DNAH5: variants seen among roughly 807,000 people sequenced by gnomAD.
DNAH5 encodes the protein axonemal beta dynein heavy chain 5.
DNAH5 carries 372 observed loss-of-function variants against 518.2 expected under a neutral mutation model. The ratio of observed to expected loss-of-function variants is 0.72; its 90% confidence interval spans 0.66 to 0.78. DNAH5 has a LOEUF of 0.78. DNAH5 is among the 30% of genes least tolerant of loss of function. DNAH5 has a pLI of 0.00. For synonymous variants in DNAH5, 2,039 were observed against 2,025.9 expected, an observed-to-expected ratio of 1.01 and a Z score of -0.17; for missense variants, 5,523 against 5,687.0, an observed-to-expected ratio of 0.97 and a Z score of 0.93.
In DNAH5 at chr5:13,822,722, T is replaced by G. The variant is rs111470651; in HGVS notation, c.6687+541A>C. Among the ~76,000 whole-genome samples, 1,397 of 152,286 alleles carry G rather than the reference T, an allele frequency of 9.2e-3. 23 individuals carry two copies. Among genetic ancestry groups the G allele is most frequent in the African/African-American group, 0.032 (1,313 of 41,544 alleles). On this transcript the variant is annotated intron_variant, in intron 40 of 78. Coordinates refer to ENST00000265104, the MANE Select transcript of DNAH5 (RefSeq NM_001369.3). ...CATTCCTAGGAAGACTATAAAAAGT[T>G]AAAGCTGCACCAAGTACCATGGGAA...
chr5:13,734,464 G>A (rs889197242), intron 68 of DNAH5, among the ~76,000 whole-genome samples: 7 of 152,082 alleles, frequency 4.6e-5, no homozygotes, highest in Non-Finnish European at 7.4e-5. Flanking sequence ...CAGGGGACAC[G>A]GCTGTGAGCA....
chr5:13,952,967 C>T (rs1014286762), intron 1 of DNAH5, among the ~76,000 whole-genome samples: 1 of 152,198 alleles, frequency 6.6e-6, no homozygotes, highest in African/African-American at 2.4e-5. Context: ...TGTAACATAA[C>T]TTGTGATAAA....
At position 13,699,734 on chromosome 5, in the gene DNAH5, ACTTGT is replaced by A. The variant is rs1741833419; in HGVS notation, c.13723+901_13723+905del. ...GTCTCATATAAATAAATAAATAAAT[ACTTGT>A]AGTTCATAAATTATTTTATCCCTTT... On this transcript the variant is annotated intron_variant, in intron 78 of 78. Coordinates refer to ENST00000265104, the MANE Select transcript of DNAH5 (RefSeq NM_001369.3). Among the ~76,000 whole-genome samples, 10 of 152,226 alleles carry A rather than the reference ACTTGT, an allele frequency of 6.6e-5. No homozygotes were observed. The South Asian group carries it at 2.1e-3, about 32-fold the overall frequency.
At chr5:13,844,716 G>A (rs1765731940) in intron 32 of DNAH5, 121 bp downstream of exon 32, 1 of 1,281,916 alleles carries the variant, frequency 7.8e-7, no homozygotes, top group Admixed American at 1.7e-5. Context: ...TTAGTCACTG[G>A]CCAAGAGCTA....
chr5:13,692,763 C>A (rs1041431229), intron 78 of DNAH5, among the ~76,000 whole-genome samples: 3 of 152,306 alleles, frequency 2.0e-5, no homozygotes, highest in East Asian at 3.9e-4. Context: ...CAAAATGACA[C>A]TGCAATGAAA....
At chr5:13,954,404 T>C (rs1780629350) in intron 1 of DNAH5, among the ~76,000 whole-genome samples, 1 of 152,204 alleles carries the variant, frequency 6.6e-6, no homozygotes, top group Non-Finnish European at 1.5e-5. Context: ...CCCTTTTATA[T>C]GCAATAAGGT....
chr5:13,875,413 G>T (rs1241354469), intron 22 of DNAH5, among the ~76,000 whole-genome samples: 1 of 137,826 alleles, frequency 7.3e-6, no homozygotes, highest in African/African-American at 2.7e-5. Context: ...GTTGCAGTGA[G>T]CCAAGATTGC....
At position 13,993,139 on chromosome 5, in the gene DNAH5, C is replaced by T. The variant is rs116145408; in HGVS notation, c.12+18509G>A. Among the ~76,000 whole-genome samples the T allele has an allele frequency of 8.4e-3, 1,276 of 152,236 alleles. 20 individuals carry two copies. The highest frequency in any genetic ancestry group is 0.029 in the African/African-American group (1,197 of 41,526). Reference sequence around the variant, plus strand: ...AATGGGTGTCCACTTTTTTCCTTAGCGATGCCCGTCTACGCATGCTTAGCT... The same window carrying T: ...AATGGGTGTCCACTTTTTTCCTTAGTGATGCCCGTCTACGCATGCTTAGCT... On this transcript the variant is annotated intron_variant, in intron 1 of 78. Transcript: ENST00000681290.
chr5:13,829,499 G>A lies in DNAH5; in HGVS notation c.6444+11C>T, dbSNP rs1348691. ...CATGCCTAAGTGCATAAGACCTCCA[G>A]GATGACACACCTGCTTAGAAAGCTG... On this transcript the variant is annotated intron_variant, in intron 38 of 78. Transcript: ENST00000265104. The A allele has an allele frequency of 0.37, 602,253 of 1,612,558 alleles. 114,252 individuals are homozygous for A. Among genetic ancestry groups the A allele is most frequent in the East Asian group, 0.57 (25,467 of 44,854 alleles).
intron 15 of DNAH5, among the ~76,000 whole-genome samples, chr5:13,895,558 C>T (rs913492180): frequency 6.6e-6 from 1 of 152,126 alleles, no homozygotes; most frequent in African/African-American, 2.4e-5. Context: ...ACATGTGGGT[C>T]GCCAGAGGTC....
rs180807752 is a variant in DNAH5, at chr5:13,696,434, G to A, written c.13723+4206C>T. 5.7e-4 allele frequency among the ~76,000 whole-genome samples: 87 copies of A among 152,200 alleles called. 1 individual carries two copies. The highest frequency in any genetic ancestry group is 5.7e-3 in the Admixed American group (87 of 15,294). ...CCCGTGATTTTCTAGCAAGAAACAT[G>A]ATTTCTTTTTCAAGTTTCAGGGTAT... On this transcript the variant is annotated intron_variant, in intron 78 of 78. Coordinates refer to ENST00000265104, the MANE Select transcript of DNAH5 (RefSeq NM_001369.3).
In DNAH5 at chr5:13,776,722, A is replaced by G. The variant is rs1754147306; in HGVS notation, c.9106-16T>C. 3.1e-6 allele frequency: 5 copies of G among 1,613,146 alleles called. No homozygotes were observed. In the East Asian group the frequency reaches 1.1e-4, roughly 36 times the overall value. ...GGTTAGAGACCTTAAAAAGAAGTAC[A>G]GGCATGCAAATTCAGTACACACATA... On this transcript the variant is annotated splice_polypyrimidine_tract_variant and intron_variant, in intron 54 of 78. Transcript: ENST00000265104.
In DNAH5 at chr5:13,788,886, C is replaced by T; in HGVS notation, c.8477G>A (p.Cys2826Tyr). 6.2e-7 allele frequency: 1 copy of T among 1,614,148 alleles called. No homozygotes were observed. The highest frequency in any genetic ancestry group is 1.1e-5 in the South Asian group (1 of 91,080). Reference sequence around the variant, plus strand: ...GAAACGGTCAGCTATAACACGTTTACACTCATGCTTCCACAGCTTTAACAG... The same window carrying T: ...GAAACGGTCAGCTATAACACGTTTATACTCATGCTTCCACAGCTTTAACAG... ...NDLLKLWKHE[C>Y]KRVIADRFTV... Residue 2826 changes from cysteine to tyrosine, a missense_variant, in exon 51 of 79, where the codon TGT (cysteine) becomes TAT (tyrosine). Cys to Tyr is a radical substitution (Grantham distance 194). Coordinates refer to ENST00000265104, the MANE Select transcript of DNAH5 (RefSeq NM_001369.3).
chr5:13,716,521 C>T lies in DNAH5; in HGVS notation c.12875G>A (p.Cys4292Tyr), dbSNP rs1333514060. Residue 4292 changes from cysteine (C) to tyrosine (Y), a missense_variant, in exon 74 of 79, where the codon TGC (cysteine) becomes TAC (tyrosine). Physicochemically the swap from Cys to Tyr is radical, Grantham distance 194. This residue lies in a region of DNAH5 where 387 missense variants were observed against 430.0 expected (regional missense o/e 0.90). Coordinates refer to ENST00000265104, the MANE Select transcript of DNAH5 (RefSeq NM_001369.3). ...CTGAAGATAGTTATCCACTGTGCTG[C>T]ATTTTGGAATATTGTATCCTTGGTA... ...SFYQGYNIPK[C>Y]STVDNYLQYI... 4 of 1,613,866 alleles carry T rather than the reference C, an allele frequency of 2.5e-6. No individual in the cohort carries two copies. Among genetic ancestry groups the T allele is most frequent in the Non-Finnish European group, 3.4e-6 (4 of 1,179,820 alleles).
At chr5:14,008,978 T>C (rs995387933) in intron 1 of DNAH5, among the ~76,000 whole-genome samples, 7 of 152,228 alleles carry the variant, frequency 4.6e-5, no homozygotes, top group Non-Finnish European at 8.8e-5. Context: ...AACTGATCCA[T>C]GTCCTGTCTC....
chr5:13,706,279 C>T (rs542624427), intron 76 of DNAH5, among the ~76,000 whole-genome samples: 1 of 152,322 alleles, frequency 6.6e-6, no homozygotes, highest in African/African-American at 2.4e-5. Context: ...TTTCCCCCTC[C>T]TTCCAACCTT....
chr5:13,713,103 G>GTC (rs1743725016), intron 75 of DNAH5, among the ~76,000 whole-genome samples: 1 of 118,634 alleles, frequency 8.4e-6, no homozygotes, highest in Non-Finnish European at 1.8e-5. Flanking sequence ...TGTGGTGTGT[G>GTC]TGTGTATATA....
chr5:13,891,442 T>C (rs1235732403), intron 16 of DNAH5, among the ~76,000 whole-genome samples: 1 of 152,196 alleles, frequency 6.6e-6, no homozygotes, highest in Non-Finnish European at 1.5e-5. Flanking sequence ...CAATTTCCTT[T>C]TGTTTTATTT....
chr5:13,940,256 G>C (rs1779340170), intron 1 of DNAH5, among the ~76,000 whole-genome samples: 1 of 152,022 alleles, frequency 6.6e-6, no homozygotes, highest in Non-Finnish European at 1.5e-5. Flanking sequence ...CCTGAAGTGA[G>C]ATCTGGTGGA....
Sources: allele counts gnomAD v4.1 joint callset (sites outside exome capture counted in the v4.1 genomes callset), GRCh38; gene constraint gnomAD v4.1.1; regional missense constraint gnomAD v4.1.1; transcripts MANE v1.5; gene names NCBI Gene and HGNC (gene_info 2026-07-23, HGNC 2026-07-21).